MDGA1: variants seen among roughly 807,000 people sequenced by gnomAD.
MDGA1 encodes the protein MAM domain-containing glycosylphosphatidylinositol anchor protein 1.
A neutral mutation model predicts 101.5 loss-of-function variants in MDGA1; 54 were observed. The ratio of observed to expected loss-of-function variants is 0.53; its 90% CI spans 0.43 to 0.67. The LOEUF (loss-of-function observed/expected upper bound fraction) is 0.67. Ranked by LOEUF, MDGA1 falls within the 30% of genes least tolerant of loss-of-function variation. The pLI is 0.00. For missense variants in MDGA1, 1,083 were observed against 1,323.8 expected, an observed-to-expected ratio of 0.82 and a Z score of 2.82; for synonymous variants, 533 against 558.3, an observed-to-expected ratio of 0.95 and a Z score of 0.64.
Position 37,696,920 on chromosome 6 carries a change from G to A in MDGA1, c.-109C>T, listed in dbSNP as rs1762434275. ...CCTATGTCCCCCCCTTTCCCTGAGA[G>A]GTGAGAGAGAGAGCGGCGACGAAGA... On this transcript the variant is annotated 5_prime_UTR_variant, in exon 1 of 17. Transcript: ENST00000434837. The surrounding 1 kb of genome is among the most constrained non-coding windows in gnomAD (Gnocchi z 5.6). 1 of 896,884 alleles carries A rather than the reference G, an allele frequency of 1.1e-6. No homozygotes were observed. Among genetic ancestry groups the A allele is most frequent in the Middle Eastern group, 3.2e-4 (1 of 3,088 alleles). The allele number at this position is 896,884 out of a possible 1,614,324, so 55.6% of individuals were successfully genotyped here.
chr6:37,663,890 G>T, intron 2 of MDGA1, 77 bp downstream of exon 2: 1 of 1,529,514 alleles, frequency 6.5e-7, no homozygotes, highest in Non-Finnish European at 9.0e-7. Flanking sequence ...CTCATCTCCT[G>T]CTGCCTCTTC....
At chr6:37,669,737 G>C (rs1489856911) in intron 1 of MDGA1, among the ~76,000 whole-genome samples, 1 of 152,292 alleles carries the variant, frequency 6.6e-6, no homozygotes, top group Non-Finnish European at 1.5e-5. Context: ...AGGCAGGGCT[G>C]TTTCAAGATA....
chr6:37,643,596 G>A (rs1764144017), intron 14 of MDGA1, among the ~76,000 whole-genome samples: 1 of 152,166 alleles, frequency 6.6e-6, no homozygotes, highest in South Asian at 2.1e-4. Context: ...CTATCTGCAG[G>A]CTCAGGACAC....
intron 6 of MDGA1, among the ~76,000 whole-genome samples, chr6:37,653,986 A>G (rs1761425024): frequency 6.6e-6 from 1 of 152,094 alleles, no homozygotes; most frequent in South Asian, 2.1e-4. Context: ...TAAAAAAAAA[A>G]TGTAGGTAAT....
intron 14 of MDGA1, among the ~76,000 whole-genome samples, chr6:37,642,611 A>G (rs1356224511): frequency 6.6e-6 from 1 of 152,126 alleles, no homozygotes; most frequent in African/African-American, 2.4e-5. Flanking sequence ...CCTTTGTGAA[A>G]TGTATTACCT....
Position 37,646,210 on chromosome 6 carries a change from G to A in MDGA1, c.2212C>T (p.His738Tyr). The change falls in exon 11 of 17, where the codon CAC becomes TAC. Residue 738 changes from histidine (H) to tyrosine (Y), a missense_variant. His to Tyr is a moderately conservative substitution (Grantham distance 83, BLOSUM62 2). Around this residue, in one of 3 missense-constraint regions of MDGA1, gnomAD observed 657 missense variants for 771.4 expected, o/e 0.85. Transcript: ENST00000434837. ...CACTGTCACCTACGCTCTGTGTAGT[G>A]GATGATGCGGGAGGCCATGTCACCA... ...GAGDMASRII[H>Y]YTEPINSPNL... The A allele has an allele frequency of 6.3e-7, 1 of 1,583,766 alleles. No individual in the cohort carries two copies. The highest frequency in any genetic ancestry group is 1.2e-5 in the South Asian group (1 of 85,860).
chr6:37,664,842 GACAC>G (rs35594367), intron 1 of MDGA1, among the ~76,000 whole-genome samples: 2,442 of 55,000 alleles, frequency 0.044, 56 homozygotes, highest in East Asian at 0.059. Flanking sequence ...CCTAACCTAA[GACAC>G]ACACACACAC....
At position 37,649,117 on chromosome 6, in the gene MDGA1, C is replaced by T. The variant is rs1480570259; in HGVS notation, c.1759G>A (p.Val587Ile). 4 of 1,517,518 alleles carry T rather than the reference C, an allele frequency of 2.6e-6. No homozygotes were observed. Among genetic ancestry groups the T allele is most frequent in the South Asian group, 1.2e-5 (1 of 82,076 alleles). The allele number at this position is 1,517,518 out of a possible 1,614,324, so 94.0% of individuals were successfully genotyped here. A position where few individuals can be genotyped will look rare whatever the true frequency, so the allele number is the denominator to read the frequency against. ...GGCGCCTCGGCGGCGGCGGGAACAA[C>T]AGGCGGCGGCGGCAGCAGCTGCCCT... ...FKGQLLPPPP[V>I]VPAAAEAPDH... The change falls in exon 9 of 17, where the codon GTT (valine) becomes ATT (isoleucine). Residue 587 changes from valine (V) to isoleucine (I), a missense_variant. Physicochemically the swap from Val to Ile is conservative, Grantham distance 29 (BLOSUM62 3). Coordinates refer to ENST00000434837, the MANE Select transcript of MDGA1 (RefSeq NM_153487.4).
chr6:37,680,979 C>T (rs1477723202), intron 1 of MDGA1, among the ~76,000 whole-genome samples: 1 of 145,602 alleles, frequency 6.9e-6, no homozygotes, highest in African/African-American at 2.6e-5. Flanking sequence ...CCTACTGGGG[C>T]CCACCCTTCC....
intron 1 of MDGA1, among the ~76,000 whole-genome samples, chr6:37,670,847 A>G (rs1255875090): frequency 6.6e-6 from 1 of 152,206 alleles, no homozygotes; most frequent in African/African-American, 2.4e-5. Context: ...AATGCCTGGA[A>G]GAGGAACCGT....
chr6:37,665,831 T>G (rs1409878812), intron 1 of MDGA1, among the ~76,000 whole-genome samples: 4 of 152,242 alleles, frequency 2.6e-5, no homozygotes, highest in Non-Finnish European at 5.9e-5. Flanking sequence ...ATGAGACGCA[T>G]GTAACATGCA....
chr6:37,645,649 G>A (rs1761175949), intron 12 of MDGA1, among the ~76,000 whole-genome samples: 1 of 152,148 alleles, frequency 6.6e-6, no homozygotes, highest in South Asian at 2.1e-4. Context: ...CCCTGACTCA[G>A]GCAACAAGGG....
chr6:37,695,763 A>T (rs1237955658), intron 1 of MDGA1, among the ~76,000 whole-genome samples: 1 of 152,252 alleles, frequency 6.6e-6, no homozygotes, highest in Non-Finnish European at 1.5e-5. Context: ...CCCCAGCCAC[A>T]CATCACTAAA....
chr6:37,644,393 C>A lies in MDGA1; in HGVS notation c.2401+104G>T, dbSNP rs1339238226. ...CTCCCTGAGAACAGGGCTGCGTCTC[C>A]CTCAGACTGGAGCCGTCTCCCTTCA... On this transcript the variant is annotated intron_variant, in intron 13 of 16. Transcript: ENST00000434837. The A allele has an allele frequency of 6.5e-6, 8 of 1,239,726 alleles. No individual in the cohort carries two copies. The East Asian group carries it at 8.4e-5, about 13-fold the overall frequency. 76.8% of individuals were successfully genotyped at this position (1,239,726 alleles called of 1,614,324 possible).
chr6:37,668,515 A>G (rs1160310103), intron 1 of MDGA1, among the ~76,000 whole-genome samples: 2 of 152,218 alleles, frequency 1.3e-5, no homozygotes. Context: ...TGTGTCATCC[A>G]TCAAGAATTC....
rs150981806 is a variant in MDGA1, at chr6:37,635,371, T to G, written c.*1997A>C. Reference sequence around the variant, plus strand: ...CTCAGAGGAGGAGCTCACAGTCTAGTTGGGGCAATGGACTCTGCACAGATG... The same window carrying G: ...CTCAGAGGAGGAGCTCACAGTCTAGGTGGGGCAATGGACTCTGCACAGATG... On this transcript the variant is annotated 3_prime_UTR_variant, in exon 17 of 17. Coordinates refer to ENST00000434837, the MANE Select transcript of MDGA1 (RefSeq NM_153487.4). 2.1e-3 allele frequency: 824 copies of G among 397,886 alleles called. 7 individuals are homozygous for G. Among genetic ancestry groups the G allele is most frequent in the Non-Finnish European group, 3.0e-3 (685 of 226,096 alleles). The allele number at this position is 397,886 out of a possible 1,614,324, so 24.6% of individuals were successfully genotyped here.
At chr6:37,645,822 A>C in intron 12 of MDGA1, 111 bp downstream of exon 12, 2 of 1,289,500 alleles carry the variant, frequency 1.6e-6, no homozygotes, top group Non-Finnish European at 2.2e-6. Flanking sequence ...CACAGGGGGA[A>C]TTCATTTTCT....
intron 1 of MDGA1, among the ~76,000 whole-genome samples, chr6:37,689,311 T>G (rs1019400729): frequency 3.9e-5 from 6 of 152,332 alleles, no homozygotes; most frequent in South Asian, 4.1e-4. Flanking sequence ...TAAATCCAGA[T>G]GTGCAAATCT....
At chr6:37,683,127 C>A (rs1762130274) in intron 1 of MDGA1, among the ~76,000 whole-genome samples, 2 of 152,186 alleles carry the variant, frequency 1.3e-5, no homozygotes, top group African/African-American at 4.8e-5. Flanking sequence ...GCCCAAAGGA[C>A]CCTGTAGATT....
Sources: allele counts gnomAD v4.1 joint callset (sites outside exome capture counted in the v4.1 genomes callset), GRCh38; gene constraint gnomAD v4.1.1; regional missense constraint gnomAD v4.1.1; non-coding constraint Gnocchi (gnomAD v3.1); transcripts MANE v1.5; gene names NCBI Gene and HGNC (gene_info 2026-07-23, HGNC 2026-07-21).